Variants in FAM13B observed in about 807,000 individuals in gnomAD.
FAM13B encodes the protein family with sequence similarity 13 member B, also known as protein FAM13B.
A neutral mutation model predicts 117.3 loss-of-function variants in FAM13B; 60 were observed. That is an observed-to-expected ratio of 0.51 (90% CI 0.42 to 0.63). The LOEUF (loss-of-function observed/expected upper bound fraction) is 0.63, where lower values mean the gene tolerates loss of function less well. FAM13B is among the 30% of genes least tolerant of loss of function. FAM13B has a pLI of 0.00. For synonymous variants in FAM13B, 332 were observed against 356.1 expected, an observed-to-expected ratio of 0.93 and a Z score of 0.76; for missense variants, 972 against 1,091.9, an observed-to-expected ratio of 0.89 and a Z score of 1.55.
At chr5:138,032,507 G>A (rs923371741) in intron 1 of FAM13B, among the ~76,000 whole-genome samples, 3 of 152,198 alleles carry the variant, frequency 2.0e-5, no homozygotes, top group African/African-American at 7.2e-5. Context: ...TGGAGGTGAG[G>A]GGCACGCCCG....
At position 137,943,130 on chromosome 5, in the gene FAM13B, T is replaced by A. The variant is rs1186536536; in HGVS notation, c.2424+3A>T. 1 of 1,613,832 alleles carries A rather than the reference T, an allele frequency of 6.2e-7. No homozygotes were observed. The highest frequency in any genetic ancestry group is 8.5e-7 in the Non-Finnish European group (1 of 1,179,854). On this transcript the variant is annotated splice_donor_region_variant and intron_variant, in intron 21 of 23. Transcript: ENST00000689681. ...TCAGATAATTATTTCTTTAAAGGAT[T>A]ACCTTGATTTCTTCAAAAAAATGTG...
chr5:138,011,783 C>A lies in FAM13B; in HGVS notation c.533G>T (p.Gly178Val). ...WSANSLAAVF[G>V]PDVFHIYTDV... ...AACAACTTACTGGAAGACATCTGGA[C>A]CAAAGACAGCAGCCAAAGAATTTGC... The change falls in exon 5 of 24, where the codon GGT becomes GTT. Residue 178 changes from glycine to valine, a missense_variant. Gly to Val is a moderately radical substitution (Grantham distance 109). Transcript: ENST00000689681. 1 of 1,610,736 alleles carries A rather than the reference C, an allele frequency of 6.2e-7. No individual in the cohort carries two copies. Among genetic ancestry groups the A allele is most frequent in the Non-Finnish European group, 8.5e-7 (1 of 1,178,876 alleles).
chr5:137,975,994 T>TTTTTTTTTTTTTTTTTG (rs1223359020), intron 10 of FAM13B, among the ~76,000 whole-genome samples: 2 of 149,810 alleles, frequency 1.3e-5, no homozygotes, highest in Non-Finnish European at 1.5e-5. Flanking sequence ...TTTTTTTTTT[T>TTTTTTTTTTTTTTTTTG]TGAGACAGTC....
intron 10 of FAM13B, among the ~76,000 whole-genome samples, chr5:137,964,262 T>C (rs182532293): frequency 9.2e-5 from 14 of 152,048 alleles, no homozygotes; most frequent in Admixed American, 8.5e-4. Flanking sequence ...GGTTTCAGCA[T>C]GTTGAATAGG....
intron 5 of FAM13B, among the ~76,000 whole-genome samples, chr5:138,011,379 T>C (rs144644896): frequency 1.3e-5 from 2 of 152,334 alleles, no homozygotes; most frequent in East Asian, 3.9e-4. Context: ...CCTGCGATCC[T>C]TGGGAGACAA....
chr5:137,997,389 A>G (rs1234301592), intron 7 of FAM13B, among the ~76,000 whole-genome samples: 1 of 152,082 alleles, frequency 6.6e-6, no homozygotes, highest in Non-Finnish European at 1.5e-5. Flanking sequence ...GAATCACTTG[A>G]ACCCGGGAGG....
intron 1 of FAM13B, among the ~76,000 whole-genome samples, chr5:138,044,072 T>A (rs1429924806): frequency 2.0e-5 from 3 of 151,710 alleles, no homozygotes; most frequent in African/African-American, 7.3e-5. Flanking sequence ...GCACATGCTG[T>A]CACACCTAGC....
chr5:138,007,286 A>G, intron 6 of FAM13B, 139 bp from the exon 7 acceptor site: 1 of 611,974 alleles, frequency 1.6e-6, no homozygotes, highest in Non-Finnish European at 2.6e-6. Flanking sequence ...TCTCTTATGG[A>G]GTAAGTAACT....
intron 4 of FAM13B, among the ~76,000 whole-genome samples, 171 bp from the exon 5 acceptor site, chr5:138,012,116 A>G (rs377051784): frequency 6.6e-6 from 1 of 152,136 alleles, no homozygotes; most frequent in East Asian, 1.9e-4. Flanking sequence ...TCACTTATGA[A>G]ATGGAGAAGA....
chr5:137,946,319 T>TA lies in FAM13B; in HGVS notation c.2161-9dup, dbSNP rs763223746. The TA allele has an allele frequency of 7.2e-7, 1 of 1,390,944 alleles. No individual in the cohort carries two copies. The highest frequency in any genetic ancestry group is 1.7e-5 in the South Asian group (1 of 57,432). 86.2% of individuals were successfully genotyped at this position (1,390,944 alleles called of 1,614,324 possible). On this transcript the variant is annotated splice_polypyrimidine_tract_variant and intron_variant, in intron 18 of 23. Transcript: ENST00000689681. ...ATGATCTTTGGTCATTTTCTGGAATTAAACAAAAAAAATAACAAAATACAA... is the reference window on the plus strand; with the variant it reads ...ATGATCTTTGGTCATTTTCTGGAATTAAAACAAAAAAAATAACAAAATACAA...
intron 10 of FAM13B, among the ~76,000 whole-genome samples, chr5:137,968,857 C>T (rs1195285693): frequency 6.6e-6 from 1 of 152,200 alleles, no homozygotes; most frequent in East Asian, 1.9e-4. Flanking sequence ...CAGACGGCAC[C>T]TAGAAAATTG....
At chr5:137,974,663 C>CAA (rs34041801) in intron 10 of FAM13B, among the ~76,000 whole-genome samples, 5,143 of 120,590 alleles carry the variant, frequency 0.043, 117 homozygotes, top group Middle Eastern at 0.06. Flanking sequence ...AGCATTTCTC[C>CAA]AAAAAAAAAA....
chr5:137,977,996 T>G (rs904736285), intron 10 of FAM13B, among the ~76,000 whole-genome samples: 9 of 152,222 alleles, frequency 5.9e-5, no homozygotes, highest in Non-Finnish European at 1.0e-4. Flanking sequence ...ACACATGCAG[T>G]GCATGCACAC....
chr5:137,941,560 T>C (rs1330518306), intron 23 of FAM13B, among the ~76,000 whole-genome samples: 3 of 152,280 alleles, frequency 2.0e-5, no homozygotes, highest in Non-Finnish European at 2.9e-5. Flanking sequence ...ATGAACACAA[T>C]GGTCTCAGTA....
At position 137,963,625 on chromosome 5, in the gene FAM13B, T is replaced by C. The variant is rs75652253; in HGVS notation, c.1180-1156A>G. Among the ~76,000 whole-genome samples, 729 of 152,324 alleles carry C rather than the reference T, an allele frequency of 4.8e-3. 6 individuals are homozygous for C. The highest frequency in any genetic ancestry group is 0.017 in the African/African-American group (691 of 41,574). ...AGAAATCAGACTTCGGTAACTTTTA[T>C]GATCAATAACAGGTGTCCCCAACCC... On this transcript the variant is annotated intron_variant, in intron 10 of 23. Transcript: ENST00000689681.
rs1760714780 is a variant in FAM13B at position 137,938,219 on chromosome 5, G to C, written c.*2006C>G. 2 of 152,492 alleles carry C rather than the reference G, an allele frequency of 1.3e-5. No individual in the cohort carries two copies. The highest frequency in any genetic ancestry group is 6.6e-5 in the Admixed American group (1 of 15,256). The allele number at this position is 152,492 out of a possible 1,614,324, so 9.4% of individuals were successfully genotyped here. A position where few individuals can be genotyped will look rare whatever the true frequency, so the allele number is the denominator to read the frequency against. On this transcript the variant is annotated 3_prime_UTR_variant, in exon 24 of 24. Transcript: ENST00000689681. ...CTACTCACAGCCAAACATTAACATT[G>C]AATAACATATTGAAGCAGCTGTTAA...
chr5:138,018,388 A>G lies in FAM13B; in HGVS notation c.284T>C (p.Ile95Thr), dbSNP rs868298873. The G allele has an allele frequency of 6.2e-7, 1 of 1,614,154 alleles. No homozygotes were observed. Among genetic ancestry groups the G allele is most frequent in the African/African-American group, 1.3e-5 (1 of 75,048 alleles). ...LVKEADVPSAISLLRFFLQEL... is the reference protein window; with the variant it reads ...LVKEADVPSATSLLRFFLQEL... ...TTGAAGAAAAAATCTAAGAAGGCTA[A>G]TAGCTGAGGGAACATCTGCTTCCTT... is the stretch of plus-strand genomic sequence containing the variant. Residue 95 changes from isoleucine (I) to threonine (T), a missense_variant, in exon 4 of 24, where the codon ATT becomes ACT. Coordinates refer to ENST00000689681, the MANE Select transcript of FAM13B (RefSeq NM_001385994.1).
At chr5:138,016,479 A>T (rs780494872) in intron 4 of FAM13B, among the ~76,000 whole-genome samples, 22 of 152,054 alleles carry the variant, frequency 1.4e-4, no homozygotes, top group Non-Finnish European at 2.4e-4. Flanking sequence ...AAAAAATTTT[A>T]AAAAATTAGC....
intron 1 of FAM13B, among the ~76,000 whole-genome samples, chr5:138,024,965 G>A (rs1787890166): frequency 6.6e-6 from 1 of 151,798 alleles, no homozygotes; most frequent in Non-Finnish European, 1.5e-5. Context: ...CTGTCTCCTG[G>A]GCTCAAGCGA....
Sources: allele counts gnomAD v4.1 joint callset (sites outside exome capture counted in the v4.1 genomes callset), GRCh38; gene constraint gnomAD v4.1.1; transcripts MANE v1.5; gene names NCBI Gene and HGNC (gene_info 2026-07-23, HGNC 2026-07-21).